The following GDPD5 variants were observed in gnomAD, a reference collection of about 807,000 sequenced individuals.
The protein encoded by GDPD5 is glycerophosphodiester phosphodiesterase domain containing 5.
Under a neutral mutation model 75.1 loss-of-function variants are expected in GDPD5, and 48 were observed. The ratio of observed to expected loss-of-function variants is 0.64; its 90% CI spans 0.51 to 0.81. The LOEUF is 0.81. Among genes scored for constraint, GDPD5 ranks in the 40% least tolerant of loss-of-function variants. GDPD5 has a pLI of 0.00. For missense variants in GDPD5, 706 were observed against 822.6 expected, an observed-to-expected ratio of 0.86 and a Z score of 1.73; for synonymous variants, 336 against 339.0, an observed-to-expected ratio of 0.99 and a Z score of 0.10.
At chr11:75,481,694 C>T (rs1484856864) in intron 2 of GDPD5, among the ~76,000 whole-genome samples, 1 of 152,106 alleles carries the variant, frequency 6.6e-6, no homozygotes, top group Non-Finnish European at 1.5e-5. Context: ...GGCCAGGGTC[C>T]ACAGCCAGGG....
chr11:75,473,887 T>G (rs1025511834), intron 3 of GDPD5, among the ~76,000 whole-genome samples: 3 of 152,114 alleles, frequency 2.0e-5, no homozygotes, highest in Non-Finnish European at 2.9e-5. Flanking sequence ...TCCAAAATGA[T>G]CGACCTGGGT....
intron 1 of GDPD5, among the ~76,000 whole-genome samples, chr11:75,502,446 T>C (rs1431480058): frequency 6.6e-6 from 1 of 152,234 alleles, no homozygotes; most frequent in Non-Finnish European, 1.5e-5. Flanking sequence ...CTTGGCTTTA[T>C]CTAGCTACCA....
At chr11:75,465,258 C>T (rs1207004097) in intron 3 of GDPD5, among the ~76,000 whole-genome samples, 1 of 152,206 alleles carries the variant, frequency 6.6e-6, no homozygotes, top group Non-Finnish European at 1.5e-5. Context: ...ATACGGTTCC[C>T]CAAACAGGCT....
chr11:75,447,395 C>T (rs1190036375), intron 9 of GDPD5, among the ~76,000 whole-genome samples: 1 of 152,034 alleles, frequency 6.6e-6, no homozygotes, highest in Non-Finnish European at 1.5e-5. Context: ...TGTTGCTATG[C>T]ATCTTTCTGA....
At chr11:75,435,698 C>T (rs768958934) in intron 16 of GDPD5, 43 bp from the exon 17 acceptor site, 12 of 1,557,096 alleles carry the variant, frequency 7.7e-6, no homozygotes, top group Admixed American at 1.8e-5. Flanking sequence ...GGGGAGGAGG[C>T]AGTCGTGAGG....
In GDPD5 at chr11:75,441,632, G is replaced by T; in HGVS notation, c.1325+14C>A. The T allele has an allele frequency of 6.4e-7, 1 of 1,553,144 alleles. No individual in the cohort carries two copies. ...CCCACCCTCTCCTGGAGGAGCCCAGGGCAGGGCAGGCACCTGAGCTCCTGG... is the reference window on the plus strand; with the variant it reads ...CCCACCCTCTCCTGGAGGAGCCCAGTGCAGGGCAGGCACCTGAGCTCCTGG... On this transcript the variant is annotated intron_variant, in intron 13 of 16. Coordinates refer to ENST00000336898, the MANE Select transcript of GDPD5 (RefSeq NM_030792.8).
Position 75,436,992 on chromosome 11 carries a change from G to C in GDPD5, c.1613C>G (p.Ala538Gly). The change falls in exon 16 of 17, where the codon GCG (alanine) becomes GGG (glycine). Residue 538 changes from alanine to glycine, a missense_variant. Physicochemically the swap from Ala to Gly is moderately conservative, Grantham distance 60. Coordinates refer to ENST00000336898, the MANE Select transcript of GDPD5 (RefSeq NM_030792.8). ...GACGTCCCGGCTGGTCCGGCGCACC[G>C]CAGCACTCAGCATGATCTGCTCAGG... ...YNPEQIMLSA[A>G]VRRTSRDVSI... The C allele has an allele frequency of 6.2e-7, 1 of 1,613,496 alleles. No homozygotes were observed. Among genetic ancestry groups the C allele is most frequent in the Non-Finnish European group, 8.5e-7 (1 of 1,179,982 alleles).
chr11:75,434,743 C>G lies in GDPD5; in HGVS notation c.*764G>C, dbSNP rs1267363017. On this transcript the variant is annotated 3_prime_UTR_variant, in exon 17 of 17. Coordinates refer to ENST00000336898, the MANE Select transcript of GDPD5 (RefSeq NM_030792.8). ...CTGGCCATATCCAGAACACTTCTAC[C>G]AGGTGGGCCCTGCCCTGTGGCCACT... 2 of 152,290 alleles carry G rather than the reference C, an allele frequency of 1.3e-5. No homozygotes were observed. Among genetic ancestry groups the G allele is most frequent in the Non-Finnish European group, 1.5e-5 (1 of 68,094 alleles). 9.4% of individuals were successfully genotyped at this position (152,290 alleles called of 1,614,324 possible).
chr11:75,444,849 G>C (rs1220910816), intron 9 of GDPD5, among the ~76,000 whole-genome samples: 2 of 152,132 alleles, frequency 1.3e-5, no homozygotes, highest in Non-Finnish European at 2.9e-5. Flanking sequence ...GGGCTGGAGG[G>C]CTTTTTTACA....
intron 2 of GDPD5, among the ~76,000 whole-genome samples, chr11:75,484,095 G>A (rs1378389816): frequency 6.6e-6 from 1 of 152,168 alleles, no homozygotes. Flanking sequence ...GGCTGAGGCA[G>A]GAGAATCACT....
At chr11:75,464,435 C>T (rs1265500718) in intron 3 of GDPD5, among the ~76,000 whole-genome samples, 1 of 152,178 alleles carries the variant, frequency 6.6e-6, no homozygotes, top group Non-Finnish European at 1.5e-5. Context: ...AAGGCCTTCA[C>T]ACCCTAATGG....
Position 75,448,757 on chromosome 11 carries a change from C to G in GDPD5, c.714+220G>C, listed in dbSNP as rs57096650. 1.4e-3 allele frequency: 1,721 copies of G among 1,222,850 alleles called. 15 individuals are homozygous for G. In the African/African-American group the frequency reaches 0.025, roughly 18 times the overall value. 75.7% of individuals were successfully genotyped at this position (1,222,850 alleles called of 1,614,324 possible). ...AACCCTCCTGCATCTTTGCAGGGCA[C>G]TTAGGACAAAACTGAAATCTTTTTA... On this transcript the variant is annotated intron_variant, in intron 9 of 16. Transcript: ENST00000336898.
chr11:75,519,571 A>AT (rs981482143), intron 1 of GDPD5, among the ~76,000 whole-genome samples: 81 of 152,276 alleles, frequency 5.3e-4, no homozygotes, highest in African/African-American at 1.9e-3. Context: ...TGTGCTGGGC[A>AT]TTTTTTTGAG....
In GDPD5 at chr11:75,462,869, C is replaced by G; in HGVS notation, c.138G>C (p.Leu46=). The G allele has an allele frequency of 1.2e-6, 2 of 1,614,018 alleles. No individual in the cohort carries two copies. The highest frequency in any genetic ancestry group is 1.7e-6 in the Non-Finnish European group (2 of 1,179,964). The change falls in exon 4 of 17, where the codon CTG becomes CTC. Residue 46 remains leucine, a synonymous_variant. Transcript: ENST00000336898. ...DTTPWERLWF[L]LLTFTFGLTL... The stretch of plus-strand genomic sequence containing the variant: ...TGAGGCCAAAGGTGAAGGTGAGGAG[C>G]AGGAACCAGAGGCGCTCCCACTGGA...
At chr11:75,444,328 C>G (rs1592064307) in intron 10 of GDPD5, 85 bp downstream of exon 10, 1 of 981,342 alleles carries the variant, frequency 1.0e-6, no homozygotes, top group East Asian at 2.4e-5. Flanking sequence ...GGCTCTGAGA[C>G]CAGAGGTTCC....
intron 1 of GDPD5, among the ~76,000 whole-genome samples, chr11:75,493,589 C>CA (rs1397365078): frequency 6.6e-6 from 1 of 151,856 alleles, no homozygotes; most frequent in East Asian, 1.9e-4. Context: ...ACTTGAAGAA[C>CA]AAAAGGTGAT....
intron 1 of GDPD5, among the ~76,000 whole-genome samples, chr11:75,511,372 C>A (rs1303903855): frequency 6.6e-6 from 1 of 152,134 alleles, no homozygotes; most frequent in Non-Finnish European, 1.5e-5. Context: ...GCTCTTTGAC[C>A]AAGGAGTTGC....
chr11:75,475,032 C>T (rs941935552), intron 3 of GDPD5, among the ~76,000 whole-genome samples: 3 of 152,272 alleles, frequency 2.0e-5, no homozygotes, highest in Non-Finnish European at 4.4e-5. Flanking sequence ...CACAATTAAA[C>T]ATGGCCCATG....
chr11:75,500,487 G>GC, intron 1 of GDPD5, among the ~76,000 whole-genome samples: 1 of 152,160 alleles, frequency 6.6e-6, no homozygotes, highest in South Asian at 2.1e-4. Flanking sequence ...CACCTCACCA[G>GC]CCCCTTCGCT....
Sources: gnomAD v4.1 joint callset for allele counts (sites outside exome capture counted in the v4.1 genomes callset) on GRCh38, gnomAD v4.1.1 for gene constraint, MANE v1.5 for transcripts, NCBI Gene and HGNC (gene_info 2026-07-23, HGNC 2026-07-21) for gene names.